Variants in TMIGD3 observed in about 807,000 individuals in gnomAD.
TMIGD3 encodes the protein transmembrane and immunoglobulin domain containing 3.
A neutral mutation model predicts 28.1 loss-of-function variants in TMIGD3; 21 were observed. That is an observed-to-expected ratio of 0.75 (90% CI 0.53 to 1.08). The LOEUF is 1.08. TMIGD3 is among the 50% of genes least tolerant of loss of function. The probability of loss-of-function intolerance (pLI) is 0.00; values close to 1 mark genes in which losing one functional copy is unlikely to be tolerated. For synonymous variants in TMIGD3, 151 were observed against 162.1 expected, an observed-to-expected ratio of 0.93 and a Z score of 0.52; for missense variants, 416 against 435.6, an observed-to-expected ratio of 0.96 and a Z score of 0.40.
At chr1:111,524,827 C>A (rs1381836395) in intron 1 of TMIGD3, among the ~76,000 whole-genome samples, 1 of 152,050 alleles carries the variant, frequency 6.6e-6, no homozygotes, top group East Asian at 1.9e-4. Flanking sequence ...ACCATGTTGG[C>A]CAGGCTAGTC....
At chr1:111,530,214 T>C (rs894551769) in intron 1 of TMIGD3, among the ~76,000 whole-genome samples, 5 of 152,222 alleles carry the variant, frequency 3.3e-5, no homozygotes, top group South Asian at 2.1e-4. Flanking sequence ...AATAATATTA[T>C]ACCATTTCAC....
At chr1:111,550,828 T>G (rs1657227345) in intron 1 of TMIGD3, among the ~76,000 whole-genome samples, 1 of 152,268 alleles carries the variant, frequency 6.6e-6, no homozygotes, top group Non-Finnish European at 1.5e-5. Flanking sequence ...AGAACATATT[T>G]TATGTAATTT....
At chr1:111,506,978 T>C (rs1035423988), upstream of TMIGD3, among the ~76,000 whole-genome samples, 58 of 143,816 alleles carry the variant, frequency 4.0e-4, no homozygotes, top group African/African-American at 1.3e-3. Flanking sequence ...CACACACACA[T>C]ATACATATAT....
At chr1:111,543,670 A>G (rs187597183) in intron 1 of TMIGD3, among the ~76,000 whole-genome samples, 1,855 of 151,014 alleles carry the variant, frequency 0.012, 18 homozygotes, top group Non-Finnish European at 0.017. Flanking sequence ...GAAGAAGAGG[A>G]GGAAAAAGGA....
At chr1:111,548,134 C>T (rs1164509942) in intron 1 of TMIGD3, among the ~76,000 whole-genome samples, 1 of 152,226 alleles carries the variant, frequency 6.6e-6, no homozygotes, top group Non-Finnish European at 1.5e-5. Context: ...GATTCTCCTG[C>T]CTCAGCCTCC....
chr1:111,545,239 C>T (rs181205580), intron 1 of TMIGD3, among the ~76,000 whole-genome samples: 150 of 152,228 alleles, frequency 9.9e-4, no homozygotes, highest in African/African-American at 2.6e-3. Context: ...TCATTCCCAC[C>T]GGCAATGTAT....
intron 1 of TMIGD3, among the ~76,000 whole-genome samples, chr1:111,523,437 T>C (rs749496060): frequency 4.7e-4 from 71 of 152,170 alleles, no homozygotes; most frequent in Non-Finnish European, 9.4e-4. Flanking sequence ...TATTGGTCTA[T>C]GATTTTTTTT....
chr1:111,558,914 C>T (rs756301247), intron 1 of TMIGD3, among the ~76,000 whole-genome samples: 23 of 152,036 alleles, frequency 1.5e-4, no homozygotes, highest in East Asian at 7.7e-4. Context: ...ATATGTAAAA[C>T]GTAGTAACAA....
chr1:111,498,628 C>T (rs1655000253), intron 1 of TMIGD3, among the ~76,000 whole-genome samples: 1 of 152,208 alleles, frequency 6.6e-6, no homozygotes, highest in Non-Finnish European at 1.5e-5. Flanking sequence ...AGCTTAAATT[C>T]TGGCTCTATT....
At chr1:111,493,113 T>C (rs898119727) in intron 1 of TMIGD3, among the ~76,000 whole-genome samples, 5 of 152,122 alleles carry the variant, frequency 3.3e-5, no homozygotes, top group African/African-American at 9.7e-5. Flanking sequence ...TGAAATAAGA[T>C]TGGCCATAAT....
intron 1 of TMIGD3, among the ~76,000 whole-genome samples, chr1:111,553,273 T>G (rs563665770): frequency 3.2e-4 from 49 of 152,374 alleles, no homozygotes; most frequent in South Asian, 8.3e-4. Context: ...ATAGAAGATT[T>G]GAGTTTCCTA....
At chr1:111,530,339 A>G (rs1165209599) in intron 1 of TMIGD3, among the ~76,000 whole-genome samples, 1 of 152,054 alleles carries the variant, frequency 6.6e-6, no homozygotes, top group Non-Finnish European at 1.5e-5. Flanking sequence ...GTTTTGCACA[A>G]TTATTTTTAA....
At chr1:111,490,570 G>T in intron 2 of TMIGD3, 86 bp downstream of exon 2, 1 of 953,394 alleles carries the variant, frequency 1.0e-6, no homozygotes, top group Non-Finnish European at 1.7e-6. Flanking sequence ...AATAAGCAAG[G>T]ACTCCAAGTA....
intron 1 of TMIGD3, among the ~76,000 whole-genome samples, chr1:111,517,350 C>G (rs1309595272): frequency 1.3e-5 from 2 of 150,658 alleles, no homozygotes; most frequent in African/African-American, 4.9e-5. Flanking sequence ...AAAAAAAAAG[C>G]GAGGACTGCT....
At chr1:111,534,043 A>C (rs1414591329) in intron 1 of TMIGD3, among the ~76,000 whole-genome samples, 1 of 152,150 alleles carries the variant, frequency 6.6e-6, no homozygotes, top group African/African-American at 2.4e-5. Flanking sequence ...TAAGTTAATA[A>C]ATGTAAAACA....
chr1:111,554,622 C>T (rs1358597008), intron 1 of TMIGD3, among the ~76,000 whole-genome samples: 1 of 152,210 alleles, frequency 6.6e-6, no homozygotes, highest in African/African-American at 2.4e-5. Flanking sequence ...AAGAGACACA[C>T]ATATACCCCT....
At chr1:111,514,047 G>A (rs746779101) in intron 1 of TMIGD3, among the ~76,000 whole-genome samples, 5 of 152,106 alleles carry the variant, frequency 3.3e-5, no homozygotes, top group East Asian at 1.9e-4. Context: ...TCACAACCCC[G>A]TCCCTTCTTT....
intron 3 of TMIGD3, among the ~76,000 whole-genome samples, chr1:111,488,393 C>G (rs1170854076): frequency 1.3e-5 from 2 of 152,168 alleles, no homozygotes; most frequent in Admixed American, 6.5e-5. Context: ...TCTATTAGAC[C>G]CTGTCAGCCT....
intron 1 of TMIGD3, among the ~76,000 whole-genome samples, chr1:111,561,150 G>T (rs538565987): frequency 8.5e-5 from 13 of 152,130 alleles, no homozygotes; most frequent in Non-Finnish European, 1.6e-4. Context: ...TTGAGACAGG[G>T]TCTCCCTCTG....
Sources: gnomAD v4.1 joint callset for allele counts (sites outside exome capture counted in the v4.1 genomes callset) on GRCh38, gnomAD v4.1.1 for gene constraint, MANE v1.5 for transcripts, NCBI Gene and HGNC (gene_info 2026-07-23, HGNC 2026-07-21) for gene names.